Variants in ARHGAP21 observed in about 807,000 individuals in gnomAD.
ARHGAP21 encodes the protein Rho GTPase activating protein 21.
ARHGAP21 carries 38 observed loss-of-function variants against 164.6 expected under a neutral mutation model. The ratio of observed to expected loss-of-function variants is 0.23; its 90% CI spans 0.18 to 0.30. The LOEUF is 0.30. Among genes scored for constraint, ARHGAP21 ranks in the 10% least tolerant of loss-of-function variants. The probability of loss-of-function intolerance (pLI) is 1.00; values close to 1 mark genes in which losing one functional copy is unlikely to be tolerated. For missense variants in ARHGAP21, 1,822 were observed against 2,370.7 expected (o/e 0.77, Z 4.81); for synonymous variants, 766 against 857.9 (o/e 0.89, Z 1.87).
In ARHGAP21 at chr10:24,610,647, T is replaced by C. The variant is rs1056099019; in HGVS notation, c.2423-2744A>G. 1.1e-4 allele frequency among the ~76,000 whole-genome samples: 17 copies of C among 152,222 alleles called. 1 individual carries two copies. Among genetic ancestry groups the C allele is most frequent in the African/African-American group, 3.9e-4 (16 of 41,460 alleles). ...AAATGGAGAGTATTTCAAATTATGT[T>C]TCTATTTATTATTCGTATCTGAATA... is the stretch of plus-strand genomic sequence containing the variant. On this transcript the variant is annotated intron_variant, in intron 9 of 25. Coordinates refer to ENST00000396432, the MANE Select transcript of ARHGAP21 (RefSeq NM_020824.4).
chr10:24,683,275 T>C (rs1841941929), intron 2 of ARHGAP21, among the ~76,000 whole-genome samples: 1 of 152,170 alleles, frequency 6.6e-6, no homozygotes, highest in African/African-American at 2.4e-5. Flanking sequence ...TCATTTATAA[T>C]AATACTTTTC....
chr10:24,721,440 G>C (rs1026237278), intron 2 of ARHGAP21, among the ~76,000 whole-genome samples: 1 of 152,304 alleles, frequency 6.6e-6, no homozygotes, highest in Admixed American at 6.5e-5. Flanking sequence ...TCTGCACCTT[G>C]GAGCAGACAC....
At chr10:24,709,852 C>G (rs562924561) in intron 2 of ARHGAP21, among the ~76,000 whole-genome samples, 1 of 152,114 alleles carries the variant, frequency 6.6e-6, no homozygotes, top group South Asian at 2.1e-4. Context: ...CAACAAAATA[C>G]CTGCAAACTG....
chr10:24,631,405 C>T (rs1835845128), intron 6 of ARHGAP21, among the ~76,000 whole-genome samples: 1 of 116,996 alleles, frequency 8.5e-6, no homozygotes, highest in South Asian at 2.7e-4. Flanking sequence ...AAAGTTATGG[C>T]AAAGGCAGTG....
chr10:24,691,112 G>A (rs1842732756), intron 2 of ARHGAP21, among the ~76,000 whole-genome samples: 1 of 152,178 alleles, frequency 6.6e-6, no homozygotes, highest in South Asian at 2.1e-4. Context: ...CACAGAAACT[G>A]AGAGGTCATC....
intron 9 of ARHGAP21, among the ~76,000 whole-genome samples, chr10:24,617,397 T>A (rs1013395412): frequency 6.6e-6 from 1 of 152,170 alleles, no homozygotes; most frequent in Non-Finnish European, 1.5e-5. Flanking sequence ...CAGCCACAGG[T>A]TGTAAGATTT....
chr10:24,622,976 G>A (rs1200374260), intron 7 of ARHGAP21: 8 of 493,428 alleles, frequency 1.6e-5, no homozygotes, highest in African/African-American at 1.4e-4. Context: ...ATTCTTGTTT[G>A]ATGTGTCTAC....
intron 2 of ARHGAP21, among the ~76,000 whole-genome samples, chr10:24,700,227 T>C (rs1202489234): frequency 1.3e-5 from 2 of 152,206 alleles, no homozygotes; most frequent in Non-Finnish European, 2.9e-5. Flanking sequence ...CATATTAGTG[T>C]CTCTGCTCAT....
intron 8 of ARHGAP21, 139 bp from the exon 9 acceptor site, chr10:24,621,508 T>G: frequency 1.4e-6 from 1 of 721,182 alleles, no homozygotes; most frequent in Non-Finnish European, 2.2e-6. Context: ...AAACACAACA[T>G]AAGGGTACTC....
chr10:24,619,925 T>C lies in ARHGAP21; in HGVS notation c.1970A>G (p.Gln657Arg), dbSNP rs1273986357. 6.2e-7 allele frequency: 1 copy of C among 1,614,194 alleles called. No homozygotes were observed. The highest frequency in any genetic ancestry group is 8.5e-7 in the Non-Finnish European group (1 of 1,180,026). ...KDQRPVNHLH[Q>R]NSLLNQQTWV... ...TGTCTGCTGATTCAACAGACTGTTC[T>C]GATGCAAGTGATTTACTGGTCTTTG... is the stretch of plus-strand genomic sequence containing the variant. Residue 657 changes from glutamine to arginine, a missense_variant, in exon 9 of 26, where the codon CAG (glutamine) becomes CGG (arginine). By Grantham distance (43) the Gln-to-Arg change is conservative (BLOSUM62 1). Coordinates refer to ENST00000396432, the MANE Select transcript of ARHGAP21 (RefSeq NM_020824.4).
chr10:24,628,952 C>CACTATATATATATA (rs1554977802), intron 7 of ARHGAP21: 9 of 13,764 alleles, frequency 6.5e-4, no homozygotes, highest in Admixed American at 3.8e-3. Context: ...CACACACACA[C>CACTATATATATATA]TATATATATA....
intron 2 of ARHGAP21, among the ~76,000 whole-genome samples, chr10:24,688,161 C>T (rs568578632): frequency 6.6e-6 from 1 of 152,250 alleles, no homozygotes; most frequent in East Asian, 1.9e-4. Context: ...GAGGCCTAGG[C>T]GGGTGGATCA....
At chr10:24,614,018 A>G (rs528933083) in intron 9 of ARHGAP21, among the ~76,000 whole-genome samples, 18 of 152,332 alleles carry the variant, frequency 1.2e-4, no homozygotes, top group African/African-American at 4.3e-4. Context: ...CCAGCTTGCC[A>G]GCTGACATGC....
intron 14 of ARHGAP21, among the ~76,000 whole-genome samples, chr10:24,598,236 A>C (rs1190548245): frequency 3.3e-5 from 5 of 152,188 alleles, no homozygotes; most frequent in Non-Finnish European, 5.9e-5. Flanking sequence ...TATCCATGCG[A>C]TACCTAGGAT....
At chr10:24,667,114 C>T (rs998937665) in intron 3 of ARHGAP21, 105 bp from the exon 4 acceptor site, 21 of 558,482 alleles carry the variant, frequency 3.8e-5, no homozygotes, top group Non-Finnish European at 5.7e-5. Context: ...CAGATTGTGC[C>T]AATTACAATC....
intron 2 of ARHGAP21, among the ~76,000 whole-genome samples, chr10:24,703,141 GA>G (rs890919708): frequency 4.0e-5 from 6 of 151,586 alleles, no homozygotes; most frequent in Non-Finnish European, 7.4e-5. Flanking sequence ...CACACTGGGT[GA>G]AAAAAAATGG....
At chr10:24,650,367 C>T (rs1183224218) in intron 4 of ARHGAP21, among the ~76,000 whole-genome samples, 1 of 151,684 alleles carries the variant, frequency 6.6e-6, no homozygotes, top group Non-Finnish European at 1.5e-5. Context: ...TAAAAAACAA[C>T]AAAAAAAGCA....
intron 4 of ARHGAP21, among the ~76,000 whole-genome samples, chr10:24,653,437 G>A (rs1046519997): frequency 2.6e-5 from 4 of 152,282 alleles, no homozygotes; most frequent in Non-Finnish European, 4.4e-5. Context: ...TTAGCCAGGC[G>A]TGGTGGCGGG....
At chr10:24,621,654 A>G (rs1467202352) in intron 8 of ARHGAP21, among the ~76,000 whole-genome samples, 1 of 152,226 alleles carries the variant, frequency 6.6e-6, no homozygotes, top group Admixed American at 6.5e-5. Flanking sequence ...AGATGTACCC[A>G]CATTACTTCT....
Sources: allele counts gnomAD v4.1 joint callset (sites outside exome capture counted in the v4.1 genomes callset), GRCh38; gene constraint gnomAD v4.1.1; transcripts MANE v1.5; gene names NCBI Gene and HGNC (gene_info 2026-07-23, HGNC 2026-07-21).